WDR76: variants seen among roughly 807,000 people sequenced by gnomAD.
WDR76 encodes WD repeat domain 76, also known as WD repeat-containing protein 76.
Under a neutral mutation model 70.2 loss-of-function variants are expected in WDR76, and 52 were observed. The ratio of observed to expected loss-of-function variants is 0.74; its 90% CI spans 0.59 to 0.93. WDR76 has a LOEUF of 0.93. WDR76 is among the 40% of genes least tolerant of loss of function. The probability of loss-of-function intolerance (pLI) is 0.00; values close to 1 mark genes in which losing one functional copy is unlikely to be tolerated. For synonymous variants in WDR76, 292 were observed against 271.1 expected, an observed-to-expected ratio of 1.08 and a Z score of -0.76; for missense variants, 756 against 760.2, an observed-to-expected ratio of 0.99 and a Z score of 0.07.
At chr15:43,827,344 CTT>C (rs886448877) in intron 1 of WDR76, among the ~76,000 whole-genome samples, 3 of 152,196 alleles carry the variant, frequency 2.0e-5, no homozygotes, top group African/African-American at 7.2e-5. Flanking sequence ...GCTTCACACT[CTT>C]TAAATAATTC....
chr15:43,863,674 C>T (rs1489416654), intron 12 of WDR76, among the ~76,000 whole-genome samples: 1 of 152,078 alleles, frequency 6.6e-6, no homozygotes, highest in East Asian at 1.9e-4. Flanking sequence ...GTCCTCTTGC[C>T]TCAGCCTCCC....
At chr15:43,864,967 G>A (rs2088051373) in intron 12 of WDR76, among the ~76,000 whole-genome samples, 1 of 151,800 alleles carries the variant, frequency 6.6e-6, no homozygotes, top group African/African-American at 2.4e-5. Context: ...CTCTGACACG[G>A]GGGCTGGAGT....
rs571779112 is a variant in WDR76, at chr15:43,862,517, G to GT, written c.1616+1140dup. Among the ~76,000 whole-genome samples, 1,012 of 137,610 alleles carry GT rather than the reference G, an allele frequency of 7.4e-3. 7 individuals are homozygous for GT. The highest frequency in any genetic ancestry group is 0.017 in the Admixed American group (236 of 13,828). The allele number at this position is 137,610 out of a possible 152,430, so 90.3% of individuals were successfully genotyped here. ...TTTTTTTTTTGTTTTTTGTTTTTTT[G>GT]TTTTTTTTTGAGACAGAGTCTCACT... On this transcript the variant is annotated intron_variant, in intron 12 of 12. Coordinates refer to ENST00000263795, the MANE Select transcript of WDR76 (RefSeq NM_024908.4).
Position 43,846,743 on chromosome 15 carries a change from C to T in WDR76, c.1032+2689C>T, listed in dbSNP as rs542737331. Among the ~76,000 whole-genome samples, 41 of 151,634 alleles carry T rather than the reference C, an allele frequency of 2.7e-4. 1 individual carries two copies. The highest frequency in any genetic ancestry group is 5.0e-4 in the Non-Finnish European group (34 of 67,906). On this transcript the variant is annotated intron_variant, in intron 8 of 12. Transcript: ENST00000263795. ...TGACTCCAAAAATCTGTATTACAGC[C>T]GGACGCGGTGGCTCACACCTGTGAT...
intron 12 of WDR76, among the ~76,000 whole-genome samples, chr15:43,863,284 A>G (rs1045684437): frequency 2.0e-5 from 3 of 152,280 alleles, no homozygotes; most frequent in African/African-American, 7.2e-5. Context: ...ATCATGTACA[A>G]CATGTTTTGA....
intron 1 of WDR76, among the ~76,000 whole-genome samples, chr15:43,827,467 A>G (rs954675562): frequency 2.6e-5 from 4 of 152,168 alleles, no homozygotes; most frequent in Non-Finnish European, 4.4e-5. Context: ...AGTGAATTCT[A>G]CTGAGGTTAA....
chr15:43,835,269 T>A, intron 3 of WDR76, 119 bp downstream of exon 3: 1 of 774,942 alleles, frequency 1.3e-6, no homozygotes, highest in Non-Finnish European at 2.1e-6. Flanking sequence ...GAGTTCGAGA[T>A]CAGCCTGGGT....
intron 8 of WDR76, among the ~76,000 whole-genome samples, chr15:43,849,942 A>G (rs1595447226): frequency 6.6e-6 from 1 of 152,338 alleles, no homozygotes; most frequent in African/African-American, 2.4e-5. Flanking sequence ...ATAAACAAAT[A>G]TGTCAGTAGT....
chr15:43,848,185 G>C (rs1291666046), intron 8 of WDR76, among the ~76,000 whole-genome samples: 3 of 152,152 alleles, frequency 2.0e-5, no homozygotes, highest in Admixed American at 1.3e-4. Context: ...GCTGCAGTGA[G>C]CCATGATTGT....
rs1275323362 is a variant in WDR76, at chr15:43,866,256, A to C, written c.1745A>C (p.Lys582Thr). Residue 582 changes from lysine to threonine, a missense_variant, in exon 13 of 13, where the codon AAG (lysine) becomes ACG (threonine). Transcript: ENST00000263795. ...RRVEIFHETG[K>T]RVHSFGGEYL... is the part of the protein sequence containing the mutation. ...GTAGAAATCTTCCATGAGACAGGAA[A>C]GAGGGTGCATTCGTTTGGTGGAGAA... 2.5e-6 allele frequency: 4 copies of C among 1,614,204 alleles called. No homozygotes were observed. The highest frequency in any genetic ancestry group is 2.5e-6 in the Non-Finnish European group (3 of 1,180,042).
At position 43,867,871 on chromosome 15, in the gene WDR76, A is replaced by C. The variant is rs1289299037; in HGVS notation, c.*1479A>C. 6.6e-6 allele frequency: 1 copy of C among 152,152 alleles called. No homozygotes were observed. The highest frequency in any genetic ancestry group is 1.5e-5 in the Non-Finnish European group (1 of 68,022). 9.4% of individuals were successfully genotyped at this position (152,152 alleles called of 1,614,324 possible). A position where few individuals can be genotyped will look rare whatever the true frequency, so the allele number is the denominator to read the frequency against. ...AATATTACTGTGTGACATCTATCCAACTTTTTTCATTATTCTTCATTGCCA... is the reference window on the plus strand; with the variant it reads ...AATATTACTGTGTGACATCTATCCACCTTTTTTCATTATTCTTCATTGCCA... On this transcript the variant is annotated 3_prime_UTR_variant, in exon 13 of 13. Transcript: ENST00000263795.
intron 11 of WDR76, 117 bp from the exon 12 acceptor site, chr15:43,861,215 TA>T: frequency 2.3e-6 from 2 of 877,854 alleles, no homozygotes; most frequent in Admixed American, 4.1e-5. Flanking sequence ...TACATATTTT[TA>T]AGTGACAGTT....
rs149088041 is a variant in WDR76 at position 43,860,308 on chromosome 15, A to C, written c.1563-1025A>C. 2.5e-3 allele frequency among the ~76,000 whole-genome samples: 385 copies of C among 152,320 alleles called. 3 individuals are homozygous for C. Among genetic ancestry groups the C allele is most frequent in the African/African-American group, 8.7e-3 (363 of 41,578 alleles). ...TTGGTCTTAGTCTGGAAATGACACT[A>C]TCAGGCCTTCAGCTGATGAGTCTCA... On this transcript the variant is annotated intron_variant, in intron 11 of 12. Coordinates refer to ENST00000263795, the MANE Select transcript of WDR76 (RefSeq NM_024908.4).
intron 11 of WDR76, 81 bp downstream of exon 11, chr15:43,858,904 A>G: frequency 1.3e-6 from 2 of 1,496,130 alleles, no homozygotes; most frequent in South Asian, 2.6e-5. Context: ...AGCTTTGTTT[A>G]CTGCTGTTCC....
At chr15:43,852,390 G>C (rs541170426) in intron 9 of WDR76, among the ~76,000 whole-genome samples, 2 of 151,402 alleles carry the variant, frequency 1.3e-5, no homozygotes, top group African/African-American at 4.8e-5. Flanking sequence ...TGTTGTTGTA[G>C]AGATGGAGTC....
At chr15:43,856,894 C>A in intron 9 of WDR76, 52 bp from the exon 10 acceptor site, 1 of 1,510,726 alleles carries the variant, frequency 6.6e-7, no homozygotes, top group Non-Finnish European at 9.0e-7. Flanking sequence ...TATGCTTTGG[C>A]TTTCTTTACA....
chr15:43,839,498 T>G, intron 4 of WDR76, 107 bp from the exon 5 acceptor site: 1 of 1,187,188 alleles, frequency 8.4e-7, no homozygotes, highest in South Asian at 1.9e-5. Flanking sequence ...TCTATGCAGT[T>G]TATAAATATA....
At chr15:43,833,274 C>A (rs1024503652) in intron 2 of WDR76, among the ~76,000 whole-genome samples, 15 of 151,906 alleles carry the variant, frequency 9.9e-5, no homozygotes, top group Admixed American at 1.3e-4. Context: ...CAGTGATCCT[C>A]CTGCTTTGGT....
intron 4 of WDR76, among the ~76,000 whole-genome samples, chr15:43,839,283 A>C (rs557568350): frequency 9.2e-5 from 14 of 152,296 alleles, no homozygotes; most frequent in Admixed American, 2.6e-4. Flanking sequence ...TTTTGTATAC[A>C]TGTACTGGAC....
Sources: gnomAD v4.1 joint callset for allele counts (sites outside exome capture counted in the v4.1 genomes callset) on GRCh38, gnomAD v4.1.1 for gene constraint, MANE v1.5 for transcripts, NCBI Gene and HGNC (gene_info 2026-07-23, HGNC 2026-07-21) for gene names.